IDO2: variants seen among roughly 807,000 people sequenced by gnomAD.
IDO2 encodes the protein indoleamine 2,3-dioxygenase-like 1 protein.
IDO2 carries 46 observed loss-of-function variants against 45.1 expected under a neutral mutation model. That is an observed-to-expected ratio of 1.02 (90% CI 0.80 to 1.30). The LOEUF (loss-of-function observed/expected upper bound fraction) is 1.30, where lower values mean the gene tolerates loss of function less well. Ranked by LOEUF, IDO2 falls within the 50% of genes most tolerant of loss-of-function variation. The pLI is 0.00. For missense variants in IDO2, 544 were observed against 491.8 expected, an observed-to-expected ratio of 1.11 and a Z score of -1.00; for synonymous variants, 218 against 184.9, an observed-to-expected ratio of 1.18 and a Z score of -1.45.
At chr8:39,990,070 C>A (rs1808478580) in intron 8 of IDO2, among the ~76,000 whole-genome samples, 1 of 152,148 alleles carries the variant, frequency 6.6e-6, no homozygotes, top group South Asian at 2.1e-4. Context: ...AAGATGGTTT[C>A]CCTTCTGCAG....
intron 4 of IDO2, among the ~76,000 whole-genome samples, chr8:39,980,503 T>C (rs1808326537): frequency 6.6e-6 from 1 of 152,160 alleles, no homozygotes; most frequent in Admixed American, 6.5e-5. Flanking sequence ...ACCCACAGTG[T>C]CTTTTACTTT....
chr8:39,944,223 C>A (rs1383341005), intron 1 of IDO2, among the ~76,000 whole-genome samples: 1 of 151,982 alleles, frequency 6.6e-6, no homozygotes, highest in African/African-American at 2.4e-5. Context: ...GTAGGGTCTT[C>A]GGAATTTCCC....
chr8:39,956,487 A>G (rs1457873581), intron 2 of IDO2, among the ~76,000 whole-genome samples: 1 of 152,160 alleles, frequency 6.6e-6, no homozygotes, highest in Non-Finnish European at 1.5e-5. Context: ...TATTCCCTTT[A>G]TGCTTCTTGT....
At chr8:39,997,307 A>G (rs1332437851) in intron 8 of IDO2, among the ~76,000 whole-genome samples, 2 of 152,230 alleles carry the variant, frequency 1.3e-5, no homozygotes, top group African/African-American at 4.8e-5. Flanking sequence ...CAATACATGC[A>G]GGAGTCTTAC....
chr8:39,957,640 T>C (rs2129593638), intron 2 of IDO2, among the ~76,000 whole-genome samples: 1 of 152,200 alleles, frequency 6.6e-6, no homozygotes, highest in African/African-American at 2.4e-5. Flanking sequence ...AATAAAACCT[T>C]GATAGTTTGC....
chr8:39,940,597 ACTCT>A (rs1257325971), intron 1 of IDO2, among the ~76,000 whole-genome samples: 1 of 151,988 alleles, frequency 6.6e-6, no homozygotes, highest in Non-Finnish European at 1.5e-5. Context: ...AACATTCAAA[ACTCT>A]CTCTTCTAGC....
intron 3 of IDO2, among the ~76,000 whole-genome samples, chr8:39,970,929 G>A (rs1808169100): frequency 1.3e-5 from 2 of 150,996 alleles, no homozygotes; most frequent in South Asian, 2.1e-4. Flanking sequence ...ACCATGCCCA[G>A]CTAATTTTTG....
intron 8 of IDO2, among the ~76,000 whole-genome samples, chr8:39,995,489 C>T (rs946722241): frequency 6.6e-6 from 1 of 151,680 alleles, no homozygotes; most frequent in African/African-American, 2.4e-5. Context: ...ACCATGTTGG[C>T]CAGGCTAGTC....
At chr8:39,988,449 A>T (rs553554693) in intron 7 of IDO2, among the ~76,000 whole-genome samples, 1 of 152,308 alleles carries the variant, frequency 6.6e-6, no homozygotes, top group Non-Finnish European at 1.5e-5. Context: ...TATTTCAGTT[A>T]GATTTCTGCC....
intron 3 of IDO2, among the ~76,000 whole-genome samples, chr8:39,964,999 G>T (rs1808063646): frequency 6.6e-6 from 1 of 152,222 alleles, no homozygotes; most frequent in African/African-American, 2.4e-5. Context: ...CAAGAGGGCA[G>T]GTTAGAATTC....
At position 40,003,135 on chromosome 8, in the gene IDO2, C is replaced by T. The variant is rs149721309; in HGVS notation, c.668-2192C>T. Among the ~76,000 whole-genome samples, 171 of 152,012 alleles carry T rather than the reference C, an allele frequency of 1.1e-3. 6 individuals carry two copies. In the East Asian group the frequency reaches 0.021, roughly 18 times the overall value. ...AAGAGAGTATATCCCTTCGGGAGGC[C>T]AAGGTGGGTGGATCACCTGAGGTCA... On this transcript the variant is annotated intron_variant, in intron 8 of 10. Coordinates refer to ENST00000502986, the Ensembl canonical transcript of IDO2.
chr8:40,002,748 C>G (rs975699620), intron 8 of IDO2, among the ~76,000 whole-genome samples: 2 of 151,936 alleles, frequency 1.3e-5, no homozygotes. Context: ...CCACTGTACT[C>G]CAGCCTGGGT....
At chr8:40,006,932 A>G (rs1156626388) in intron 9 of IDO2, among the ~76,000 whole-genome samples, 3 of 152,110 alleles carry the variant, frequency 2.0e-5, no homozygotes, top group Non-Finnish European at 4.4e-5. Flanking sequence ...AAATGTTGGG[A>G]TTACAGGCTT....
chr8:40,002,727 C>T (rs1802158307), intron 8 of IDO2, among the ~76,000 whole-genome samples: 1 of 152,070 alleles, frequency 6.6e-6, no homozygotes, highest in African/African-American at 2.4e-5. Context: ...GTGCAGTGAG[C>T]CGCGATCATG....
chr8:39,988,873 A>T (rs1808462568), intron 7 of IDO2, among the ~76,000 whole-genome samples: 1 of 152,096 alleles, frequency 6.6e-6, no homozygotes, highest in African/African-American at 2.4e-5. Context: ...TAGAAGATAC[A>T]GAGTCAAATA....
At chr8:39,944,417 T>C (rs1807701552) in intron 1 of IDO2, among the ~76,000 whole-genome samples, 1 of 152,150 alleles carries the variant, frequency 6.6e-6, no homozygotes, top group Admixed American at 6.6e-5. Context: ...CGTTTTCCTT[T>C]AATCACCTAG....
At chr8:39,962,546 G>A (rs2729457) in intron 2 of IDO2, among the ~76,000 whole-genome samples, 28,821 of 152,142 alleles carry the variant, frequency 0.19, 2,732 homozygotes, top group East Asian at 0.27. Context: ...TCAGCTCAGC[G>A]AAATCCAGGA....
chr8:39,983,868 A>AC, intron 5 of IDO2, among the ~76,000 whole-genome samples: 1 of 150,578 alleles, frequency 6.6e-6, no homozygotes, highest in African/African-American at 2.4e-5. Context: ...CAAAAGAAAA[A>AC]AAAATTATGT....
intron 3 of IDO2, 71 bp from the exon 4 acceptor site, chr8:39,978,996 C>T (rs1314524678): frequency 6.7e-7 from 1 of 1,482,948 alleles, no homozygotes; most frequent in Admixed American, 2.0e-5. Context: ...ATCCCAGGTC[C>T]CCGGCCCCCG....
Sources: allele counts gnomAD v4.1 joint callset (sites outside exome capture counted in the v4.1 genomes callset), GRCh38; gene constraint gnomAD v4.1.1; transcripts MANE v1.5; gene names NCBI Gene and HGNC (gene_info 2026-07-23, HGNC 2026-07-21).